The following ATP10B variants were observed in gnomAD, a reference collection of about 807,000 sequenced individuals.
ATP10B encodes the protein ATPase phospholipid transporting 10B (putative).
ATP10B carries 122 observed loss-of-function variants against 141.2 expected under a neutral mutation model. That is an observed-to-expected ratio of 0.86 (90% CI 0.75 to 1.00). ATP10B has a LOEUF of 1.00. Among genes scored for constraint, ATP10B ranks in the 50% least tolerant of loss-of-function variants. The probability of loss-of-function intolerance (pLI) is 0.00; values close to 1 mark genes in which losing one functional copy is unlikely to be tolerated. For synonymous variants in ATP10B, 685 were observed against 692.0 expected (o/e 0.99, Z 0.16); for missense variants, 1,876 against 1,825.3 (o/e 1.03, Z -0.51).
At chr5:160,789,927 A>T (rs758907554) in intron 1 of ATP10B, among the ~76,000 whole-genome samples, 19 of 152,132 alleles carry the variant, frequency 1.2e-4, no homozygotes, top group Non-Finnish European at 2.6e-4. Flanking sequence ...CAAATACTGT[A>T]TATGTTTGCT....
chr5:160,782,438 TACACACACACACACACACACAC>T (rs57112303), intron 2 of ATP10B, among the ~76,000 whole-genome samples: 1 of 141,182 alleles, frequency 7.1e-6, no homozygotes, highest in South Asian at 2.3e-4. Context: ...TCTTCCTCCA[TACACACACACACACACACACAC>T]ACACACACAC....
intron 2 of ATP10B, among the ~76,000 whole-genome samples, chr5:160,772,064 G>A (rs1245914269): frequency 2.0e-5 from 3 of 152,256 alleles, no homozygotes; most frequent in African/African-American, 4.8e-5. Context: ...TGGCTATTAT[G>A]AGTAGCGCTG....
intron 24 of ATP10B, among the ~76,000 whole-genome samples, chr5:160,588,686 G>A (rs1756074132): frequency 6.6e-6 from 1 of 152,100 alleles, no homozygotes; most frequent in African/African-American, 2.4e-5. Flanking sequence ...TTCTAAATCT[G>A]TAAAATGGGA....
chr5:160,632,178 A>G lies in ATP10B; in HGVS notation c.1571T>C (p.Met524Thr). 2 of 1,614,206 alleles carry G rather than the reference A, an allele frequency of 1.2e-6. No individual in the cohort carries two copies. The highest frequency in any genetic ancestry group is 2.2e-5 in the East Asian group (1 of 44,882). ...PIQGHYRQRS[M>T]GHRESSQPPV... Reference sequence around the variant, plus strand: ...AGGCTGTGAGCTTTCACGGTGCCCCATAGACCTTTGCCGGTAGTGGCCCTG... The same window carrying G: ...AGGCTGTGAGCTTTCACGGTGCCCCGTAGACCTTTGCCGGTAGTGGCCCTG... Residue 524 changes from methionine (M) to threonine (T), a missense_variant, in exon 13 of 26, where the codon ATG becomes ACG. Met to Thr is a moderately conservative substitution (Grantham distance 81). Transcript: ENST00000327245.
chr5:160,909,022 G>A, the ATP10B span, among the ~76,000 whole-genome samples: 7 of 152,048 alleles, frequency 4.6e-5, no homozygotes, highest in African/African-American at 9.7e-5. Context: ...GGTACGGTGC[G>A]AGGCTCTGGG....
the ATP10B span, among the ~76,000 whole-genome samples, chr5:160,919,202 C>T: frequency 3.1e-4 from 30 of 98,112 alleles, 1 homozygote; most frequent in South Asian, 0.011. Flanking sequence ...CCAGCCTGGG[C>T]GACAGAGCGA....
intron 24 of ATP10B, among the ~76,000 whole-genome samples, chr5:160,570,028 T>C (rs547333597): frequency 4.9e-4 from 74 of 152,266 alleles, no homozygotes; most frequent in Non-Finnish European, 8.8e-4. Context: ...TTGTTTTTTT[T>C]CCCTCAATAT....
In ATP10B at chr5:160,725,472, T is replaced by C. The variant is rs564396365; in HGVS notation, c.-330-8438A>G. ...TTACGATGGGATTTTTTTTTTTTTT[T>C]AGTTGCTCTGTCGCCAAGGCTGGAG... On this transcript the variant is annotated intron_variant, in intron 2 of 25. Coordinates refer to ENST00000327245, the MANE Select transcript of ATP10B (RefSeq NM_025153.3). 1.4e-4 allele frequency among the ~76,000 whole-genome samples: 22 copies of C among 152,086 alleles called. No homozygotes were observed. In the South Asian group the frequency reaches 4.4e-3, roughly 30 times the overall value.
chr5:160,851,127 T>C (rs1400226670), intron 1 of ATP10B, among the ~76,000 whole-genome samples: 2 of 152,218 alleles, frequency 1.3e-5, no homozygotes, highest in Admixed American at 1.3e-4. Flanking sequence ...TCTACAGTTT[T>C]CAAATTCTCC....
At chr5:160,761,100 A>T (rs1049639900) in intron 2 of ATP10B, among the ~76,000 whole-genome samples, 2 of 152,116 alleles carry the variant, frequency 1.3e-5, no homozygotes. Context: ...TACTCAAGCC[A>T]TGACAGCAAC....
At chr5:160,814,463 C>T (rs1355627788) in intron 1 of ATP10B, among the ~76,000 whole-genome samples, 2 of 151,780 alleles carry the variant, frequency 1.3e-5, no homozygotes, top group South Asian at 2.1e-4. Flanking sequence ...CGAACAAAGC[C>T]TCCAAGAAAT....
chr5:160,588,368 T>C (rs1756052870), intron 24 of ATP10B, among the ~76,000 whole-genome samples: 1 of 152,138 alleles, frequency 6.6e-6, no homozygotes, highest in Non-Finnish European at 1.5e-5. Flanking sequence ...CAGCTGGTTA[T>C]GGCCTGCTTT....
intron 7 of ATP10B, among the ~76,000 whole-genome samples, chr5:160,659,593 T>C (rs535371711): frequency 1.9e-4 from 29 of 152,114 alleles, no homozygotes; most frequent in Admixed American, 1.3e-3. Context: ...AAAATAATGC[T>C]AGACATTGGG....
At chr5:160,622,968 A>G (rs1284221061) in intron 13 of ATP10B, among the ~76,000 whole-genome samples, 2 of 151,686 alleles carry the variant, frequency 1.3e-5, no homozygotes. Flanking sequence ...TTAAAACTCC[A>G]TTTCCTCCTG....
At chr5:160,588,709 C>G (rs574473957) in intron 24 of ATP10B, among the ~76,000 whole-genome samples, 2 of 152,210 alleles carry the variant, frequency 1.3e-5, no homozygotes, top group African/African-American at 4.8e-5. Context: ...ATAAAAACAC[C>G]TAACACAAAG....
chr5:160,888,999 C>T, the ATP10B span, among the ~76,000 whole-genome samples: 1 of 152,096 alleles, frequency 6.6e-6, no homozygotes, highest in Non-Finnish European at 1.5e-5. Flanking sequence ...CAATATTAGA[C>T]AAAATCTACT....
intron 15 of ATP10B, among the ~76,000 whole-genome samples, chr5:160,619,605 T>G (rs997628923): frequency 1.3e-5 from 2 of 152,222 alleles, no homozygotes; most frequent in African/African-American, 4.8e-5. Flanking sequence ...CCTGGGCAAT[T>G]CTGAAGCTTG....
At chr5:160,739,553 C>T (rs1767331797) in intron 2 of ATP10B, among the ~76,000 whole-genome samples, 1 of 152,168 alleles carries the variant, frequency 6.6e-6, no homozygotes, top group African/African-American at 2.4e-5. Context: ...CTCATTAAAA[C>T]TCCATAAAAT....
At chr5:160,879,019 A>G in the ATP10B span, among the ~76,000 whole-genome samples, 1 of 115,460 alleles carries the variant, frequency 8.7e-6, no homozygotes, top group East Asian at 2.5e-4. Context: ...CATTTGACCC[A>G]GCCATCCCAT....
Sources: allele counts gnomAD v4.1 joint callset (sites outside exome capture counted in the v4.1 genomes callset), GRCh38; gene constraint gnomAD v4.1.1; transcripts MANE v1.5; gene names NCBI Gene and HGNC (gene_info 2026-07-23, HGNC 2026-07-21).